Variants in MAMDC4 observed in about 807,000 individuals in gnomAD.
MAMDC4 encodes the protein apical endosomal glycoprotein.
A neutral mutation model predicts 153.3 loss-of-function variants in MAMDC4; 168 were observed. The ratio of observed to expected loss-of-function variants is 1.10; its 90% confidence interval spans 0.97 to 1.25. The LOEUF (loss-of-function observed/expected upper bound fraction) is 1.25, where lower values mean the gene tolerates loss of function less well. Ranked by LOEUF, MAMDC4 falls within the 50% of genes most tolerant of loss-of-function variation. The pLI is 0.00. For missense variants in MAMDC4, 1,701 were observed against 1,542.8 expected, an observed-to-expected ratio of 1.10 and a Z score of -1.72; for synonymous variants, 744 against 651.5, an observed-to-expected ratio of 1.14 and a Z score of -2.16.
At chr9:136,859,494 C>G (rs1462998252) in intron 25 of MAMDC4, 177 bp downstream of exon 25, 20 of 657,186 alleles carry the variant, frequency 3.0e-5, no homozygotes. Context: ...CTGCTCACCC[C>G]TGGGGCCGCT....
At chr9:136,856,848 G>C (rs767106499) in intron 15 of MAMDC4, 22 bp downstream of exon 15, 17 of 1,612,444 alleles carry the variant, frequency 1.1e-5, no homozygotes, top group Non-Finnish European at 1.4e-5. Context: ...GCTCAGACCG[G>C]GGGTGGCTTT....
chr9:136,855,559 CCGGAACAACTGTGTGACTT>C lies in MAMDC4; in HGVS notation c.1414_1432del (p.Glu472ArgfsTer65). On this transcript the variant is annotated frameshift_variant, in exon 12 of 27. Transcript: ENST00000317446. LOFTEE classifies it high-confidence loss of function. The stretch of plus-strand genomic sequence containing the variant: ...TGCCTGCGGGGACCTGTGTGTGCCC[CCGGAACAACTGTGTGACTT>C]CGAGGAGCAGTGCGCAGGGGGCGAG... 1 of 1,591,890 alleles carries C rather than the reference CCGGAACAACTGTGTGACTT, an allele frequency of 6.3e-7. No individual in the cohort carries two copies. The highest frequency in any genetic ancestry group is 1.3e-5 in the African/African-American group (1 of 74,684).
rs1849035608 is a variant in MAMDC4 at position 136,858,211 on chromosome 9, G to C, written c.2609G>C (p.Gly870Ala). 1 of 1,597,672 alleles carries C rather than the reference G, an allele frequency of 6.3e-7. No individual in the cohort carries two copies. Among genetic ancestry groups the C allele is most frequent in the South Asian group, 1.1e-5 (1 of 89,880 alleles). The change falls in exon 21 of 27, where the codon GGC becomes GCC. Residue 870 changes from glycine to alanine, a missense_variant. Transcript: ENST00000317446. ...GTGGTGTTTGAGGCAGTGGCCGCAG[G>C]CGTGGCACACTCCTACGTGGCTCTG... ...WRVVFEAVAA[G>A]VAHSYVALDD...
At position 136,857,208 on chromosome 9, in the gene MAMDC4, C is replaced by CGGT. The variant is rs1849018503; in HGVS notation, c.2016_2017insGGT (p.His672_Leu673insGly). 3 of 1,611,918 alleles carry CGGT rather than the reference C, an allele frequency of 1.9e-6. No homozygotes were observed. The highest frequency in any genetic ancestry group is 2.5e-6 in the Non-Finnish European group (3 of 1,179,634). On this transcript the variant is annotated inframe_insertion, in exon 17 of 27. Transcript: ENST00000317446. ...TGAGACGGGAAGGGGAGGAGACACACCTGTGGTCGCGGTCAGGCACCCAGG... is the reference window on the plus strand; with the variant it reads ...TGAGACGGGAAGGGGAGGAGACACACGGTCTGTGGTCGCGGTCAGGCACCCAGG...
In MAMDC4 at chr9:136,854,331, C is replaced by T. The variant is rs1848971806; in HGVS notation, c.791C>T (p.Thr264Ile). 2.6e-6 allele frequency: 4 copies of T among 1,566,742 alleles called. No homozygotes were observed. The highest frequency in any genetic ancestry group is 2.6e-6 in the Non-Finnish European group (3 of 1,156,354). Residue 264 changes from threonine (T) to isoleucine (I), a missense_variant, in exon 7 of 27, where the codon ACC becomes ATC. Coordinates refer to ENST00000317446, the MANE Select transcript of MAMDC4 (RefSeq NM_206920.3). ...CGDLSDENPL[T>I]CGRHIATDFE... is the part of the protein sequence containing the mutation. The stretch of plus-strand genomic sequence containing the variant: ...GACCTGTCTGATGAGAACCCACTCA[C>T]CTGTGGTGAGGCCGGAGTGGGGGCC...
At position 136,857,297 on chromosome 9, in the gene MAMDC4, A is replaced by C. The variant is rs1234951221; in HGVS notation, c.2105A>C (p.Gln702Pro). ...SHQPGSHAQYQLLFEGLRDGY... is the reference protein window; with the variant it reads ...SHQPGSHAQYPLLFEGLRDGY... ...CAGCCTGGCTCCCATGCCCAGTACC[A>C]GGTGAGGCCTGGCACCCGGGTGGGA... is the stretch of plus-strand genomic sequence containing the variant. The change falls in exon 17 of 27, where the codon CAG becomes CCG. Residue 702 changes from glutamine to proline, a missense_variant and splice_region_variant. Gln to Pro is a moderately conservative substitution (Grantham distance 76). Transcript: ENST00000317446. The C allele has an allele frequency of 6.2e-7, 1 of 1,604,440 alleles. No homozygotes were observed. The highest frequency in any genetic ancestry group is 1.3e-5 in the African/African-American group (1 of 74,850).
At chr9:136,860,085 G>A (rs1849064484) in intron 26 of MAMDC4, 21 bp downstream of exon 26, 1 of 1,531,604 alleles carries the variant, frequency 6.5e-7, no homozygotes, top group African/African-American at 1.4e-5. Context: ...CTGGGGATGG[G>A]TGGGCAGGAG....
At chr9:136,852,776 C>T (rs1284437535) in intron 1 of MAMDC4, among the ~76,000 whole-genome samples, 2 of 152,190 alleles carry the variant, frequency 1.3e-5, no homozygotes, top group South Asian at 2.1e-4. Context: ...GGCCCTGGGC[C>T]GCCCGTCGAT....
At chr9:136,860,347 C>T (rs1849069732) in intron 26 of MAMDC4, among the ~76,000 whole-genome samples, 1 of 152,140 alleles carries the variant, frequency 6.6e-6, no homozygotes, top group African/African-American at 2.4e-5. Flanking sequence ...TGGTGAAACC[C>T]CGTCTCAACT....
chr9:136,853,293 G>A lies in MAMDC4; in HGVS notation c.163G>A (p.Gly55Arg), dbSNP rs765796353. ...CSDEAQCGYH[G>R]ASPTLGAPFA... ...ACCACCCACTCTCCCAGGTTACCAC[G>A]GGGCCTCGCCCACCCTGGGCGCCCC... is the stretch of plus-strand genomic sequence containing the variant. Residue 55 changes from glycine (G) to arginine (R), a missense_variant, in exon 3 of 27, where the codon GGG (glycine) becomes AGG (arginine). Gly to Arg is a moderately radical substitution (Grantham distance 125, BLOSUM62 -2). Transcript: ENST00000317446. 2.1e-5 allele frequency: 33 copies of A among 1,602,946 alleles called. No homozygotes were observed. The highest frequency in any genetic ancestry group is 9.4e-5 in the African/African-American group (7 of 74,784).
chr9:136,856,709 G>C lies in MAMDC4; in HGVS notation c.1721-1G>C. On this transcript the variant is annotated splice_acceptor_variant, in intron 14 of 26. Coordinates refer to ENST00000317446, the MANE Select transcript of MAMDC4 (RefSeq NM_206920.3). LOFTEE classifies it high-confidence loss of function. ...GTGACGCCACCTGGCCCCACCCCCA[G>C]AGGTCTCCTGTAACTTTGAGCGGGA... The C allele has an allele frequency of 6.2e-7, 1 of 1,612,586 alleles. No homozygotes were observed. Among genetic ancestry groups the C allele is most frequent in the Non-Finnish European group, 8.5e-7 (1 of 1,179,840 alleles).
chr9:136,855,110 G>C lies in MAMDC4; in HGVS notation c.1197G>C (p.Gln399His), dbSNP rs1371574718. ...ACATCCAGAGCGCCTACCCCTTCCA[G>C]GTAGGGAACAGCAAGAGGGTGGGGT... ...RVDIQSAYPF[Q>H]ILLAGQTGPG... Residue 399 changes from glutamine (Q) to histidine (H), a missense_variant and splice_region_variant, in exon 10 of 27, where the codon CAG becomes CAC. By Grantham distance (24) the Gln-to-His change is conservative (BLOSUM62 0). Transcript: ENST00000317446. The C allele has an allele frequency of 1.9e-6, 3 of 1,571,888 alleles. No homozygotes were observed. The highest frequency in any genetic ancestry group is 3.8e-5 in the Admixed American group (2 of 52,982).
rs774681685 is a variant in MAMDC4 at position 136,856,708 on chromosome 9, A to C, written c.1721-2A>C. On this transcript the variant is annotated splice_acceptor_variant, in intron 14 of 26. Coordinates refer to ENST00000317446, the MANE Select transcript of MAMDC4 (RefSeq NM_206920.3). LOFTEE classifies it high-confidence loss of function. ...TGTGACGCCACCTGGCCCCACCCCC[A>C]GAGGTCTCCTGTAACTTTGAGCGGG... The C allele has an allele frequency of 4.8e-5, 77 of 1,612,362 alleles. No homozygotes were observed. Among genetic ancestry groups the C allele is most frequent in the Non-Finnish European group, 8.5e-7 (1 of 1,179,718 alleles).
At position 136,852,433 on chromosome 9, in the gene MAMDC4, A is replaced by G. The variant is rs758714332; in HGVS notation, c.17A>G (p.His6Arg). The change falls in exon 1 of 27, where the codon CAC becomes CGC. Residue 6 changes from histidine to arginine, a missense_variant. By Grantham distance (29) the His-to-Arg change is conservative. Coordinates refer to ENST00000317446, the MANE Select transcript of MAMDC4 (RefSeq NM_206920.3). ...GGCCCAACCATGCCTCTGTCCAGCC[A>G]CCTGCTGCCCGCCTTGGTCCTGTTC... MPLSS[H>R]LLPALVLFLA... 6.2e-7 allele frequency: 1 copy of G among 1,610,310 alleles called. No individual in the cohort carries two copies. The highest frequency in any genetic ancestry group is 2.2e-5 in the East Asian group (1 of 44,876).
At chr9:136,852,701 T>C (rs898097544) in intron 1 of MAMDC4, among the ~76,000 whole-genome samples, 1 of 152,166 alleles carries the variant, frequency 6.6e-6, no homozygotes, top group Non-Finnish European at 1.5e-5. Flanking sequence ...ACAAGAGGGC[T>C]CAGGAGGTGC....
chr9:136,853,000 C>A (rs375137109), intron 1 of MAMDC4, 102 bp from the exon 2 acceptor site: 5 of 964,106 alleles, frequency 5.2e-6, no homozygotes, highest in South Asian at 1.6e-5. Context: ...GAGGGGCATC[C>A]CCGGACAAAA....
rs1396807475 is a variant in MAMDC4, at chr9:136,855,495, C to T, written c.1347C>T (p.Pro449=). 1 of 1,597,686 alleles carries T rather than the reference C, an allele frequency of 6.3e-7. No individual in the cohort carries two copies. Among genetic ancestry groups the T allele is most frequent in the Non-Finnish European group, 8.5e-7 (1 of 1,172,768 alleles). Reference sequence around the variant, plus strand: ...CCCCAGCCCCCCAGCCCCTGCCGCCCAGCTCGCGGCTCCAGGATTCCTGCA... The same window carrying T: ...CCCCAGCCCCCCAGCCCCTGCCGCCTAGCTCGCGGCTCCAGGATTCCTGCA... ...PRAPAPQPLP[P]SSRLQDSCKQ... Residue 449 remains proline, a synonymous_variant, in exon 12 of 27, where the codon CCC becomes CCT. Transcript: ENST00000317446.
At position 136,860,216 on chromosome 9, in the gene MAMDC4, A is replaced by T. The variant is rs371984525; in HGVS notation, c.3372+152A>T. 4.2e-4 allele frequency: 409 copies of T among 967,462 alleles called. 3 individuals are homozygous for T. In the African/African-American group the frequency reaches 6.2e-3, roughly 15 times the overall value. 59.9% of individuals were successfully genotyped at this position (967,462 alleles called of 1,614,324 possible). A position where few individuals can be genotyped will look rare whatever the true frequency, so the allele number is the denominator to read the frequency against. ...CCCTGCCCTGCCTCTCCCAGCCACC[A>T]CTGTCAAAGCTCCTCCTCCTTGGCC... On this transcript the variant is annotated intron_variant, in intron 26 of 26. Transcript: ENST00000317446.
chr9:136,854,720 C>T (rs747948200), intron 8 of MAMDC4, 42 bp from the exon 9 acceptor site: 3 of 1,612,420 alleles, frequency 1.9e-6, no homozygotes, highest in Non-Finnish European at 2.5e-6. Context: ...CCCACGCAGC[C>T]ACAGCCCAGT....
Sources: allele counts gnomAD v4.1 joint callset (sites outside exome capture counted in the v4.1 genomes callset), GRCh38; gene constraint gnomAD v4.1.1; transcripts MANE v1.5; gene names NCBI Gene and HGNC (gene_info 2026-07-23, HGNC 2026-07-21).